EIF2S3: variants seen among roughly 807,000 people sequenced by gnomAD.
EIF2S3 encodes the protein eukaryotic translation initiation factor 2 subunit gamma.
In EIF2S3, 2 loss-of-function variants were observed where a neutral mutation model predicts 31.7. The ratio of observed to expected loss-of-function variants is 0.06; its 90% CI spans 0.03 to 0.20. The LOEUF (loss-of-function observed/expected upper bound fraction) is 0.20, where lower values mean the gene tolerates loss of function less well. Among genes scored for constraint, EIF2S3 ranks in the 10% least tolerant of loss-of-function variants. The pLI is 1.00. For missense variants in EIF2S3, 96 were observed against 359.3 expected (o/e 0.27, Z 5.92); for synonymous variants, 120 against 126.7 (o/e 0.95, Z 0.36).
chrX:24,069,588 G>C (rs926042106), intron 9 of EIF2S3, among the ~76,000 whole-genome samples: 1 of 106,839 alleles, frequency 9.4e-6, no homozygotes, highest in Non-Finnish European at 1.9e-5. Context: ...TGTGCCTGTA[G>C]TTCCATCTAT....
At position 24,066,059 on chromosome X, in the gene EIF2S3, A is replaced by T. The variant is rs1193550276; in HGVS notation, c.834A>T (p.Val278=). 29 of 1,198,140 alleles carry T rather than the reference A, an allele frequency of 2.4e-5. No individual in the cohort carries two copies. Among genetic ancestry groups the T allele is most frequent in the Non-Finnish European group, 3.1e-5 (28 of 889,218 alleles). Residue 278 remains valine (V), a synonymous_variant, in exon 8 of 12, where the codon GTA becomes GTT. Transcript: ENST00000253039. ...AAGTTGATGACCTTAAGGGAGGTGT[A>T]GCTGGTGGTAGTATCCTAAAAGGAG... ...GCEVDDLKGG[V]AGGSILKGVL... is the part of the protein sequence containing the mutation.
At chrX:24,057,055 G>A (rs193123427) in intron 2 of EIF2S3, among the ~76,000 whole-genome samples, 75 of 105,128 alleles carry the variant, frequency 7.1e-4, no homozygotes, top group African/African-American at 2.3e-3. Flanking sequence ...TATTTGCGAC[G>A]GAGTCTCGCT....
intron 9 of EIF2S3, among the ~76,000 whole-genome samples, chrX:24,069,706 T>TG (rs1930635284): frequency 1.0e-5 from 1 of 99,531 alleles, no homozygotes; most frequent in Non-Finnish European, 2.0e-5. Context: ...TTTTTTTTTT[T>TG]TTGAGGCAGA....
chrX:24,058,663 C>G (rs113168670), intron 4 of EIF2S3, among the ~76,000 whole-genome samples: 121 of 108,184 alleles, frequency 1.1e-3, no homozygotes, highest in African/African-American at 3.2e-3. Context: ...TCCCGAGTAG[C>G]TGGGATTACA....
Position 24,078,207 on chromosome X carries a change from G to A in EIF2S3, c.*1422G>A, listed in dbSNP as rs368898207. Among the ~76,000 whole-genome samples, 37 of 110,658 alleles carry A rather than the reference G, an allele frequency of 3.3e-4. No individual in the cohort carries two copies. The East Asian group carries it at 5.1e-3, about 15-fold the overall frequency. Reference sequence around the variant, plus strand: ...TACCCGGCTAATTTTTGTATTTTTAGTAGAGATGGGGTTTCACCATGTTGC... The same window carrying A: ...TACCCGGCTAATTTTTGTATTTTTAATAGAGATGGGGTTTCACCATGTTGC... On this transcript the variant is annotated 3_prime_UTR_variant, in exon 12 of 12. Transcript: ENST00000253039.
intron 6 of EIF2S3, among the ~76,000 whole-genome samples, chrX:24,062,958 T>G (rs527631080): frequency 1.8e-5 from 2 of 110,766 alleles, no homozygotes; most frequent in East Asian, 2.8e-4. Context: ...ATCTCTAGAG[T>G]GTCGGCCGGG....
chrX:24,067,828 T>C (rs1930602083), intron 8 of EIF2S3, 136 bp from the exon 9 acceptor site: 1 of 647,358 alleles, frequency 1.5e-6, no homozygotes, highest in East Asian at 3.6e-5. Flanking sequence ...CCTCAGGTGA[T>C]CCACCCGCCT....
intron 8 of EIF2S3, among the ~76,000 whole-genome samples, chrX:24,066,523 C>CTTTTTTTTTTT (rs113989989): frequency 1.1e-5 from 1 of 94,336 alleles, no homozygotes. Context: ...CTTTTCTTTT[C>CTTTTTTTTTTT]TTTTTTTTTT....
intron 11 of EIF2S3, among the ~76,000 whole-genome samples, chrX:24,074,310 A>G (rs977561375): frequency 8.9e-6 from 1 of 112,167 alleles, no homozygotes; most frequent in African/African-American, 3.2e-5. Context: ...ATTCAGTTAT[A>G]TATTCTTAAC....
chrX:24,076,677 G>A, intron 11 of EIF2S3, 45 bp from the exon 12 acceptor site: 1 of 1,139,924 alleles, frequency 8.8e-7, no homozygotes, highest in South Asian at 1.9e-5. Flanking sequence ...TAATGAGAGT[G>A]AAGTGGATGT....
intron 6 of EIF2S3, among the ~76,000 whole-genome samples, chrX:24,063,168 G>T (rs1026142113): frequency 3.5e-4 from 39 of 112,060 alleles, no homozygotes; most frequent in East Asian, 5.6e-4. Context: ...GCTTGAACTT[G>T]GGGGGCGGAG....
chrX:24,067,854 C>A, intron 8 of EIF2S3, 110 bp from the exon 9 acceptor site: 1 of 904,587 alleles, frequency 1.1e-6, no homozygotes, highest in Non-Finnish European at 1.5e-6. Flanking sequence ...TCCCAAAATG[C>A]TAGGATTACA....
chrX:24,070,461 T>TTTTG (rs1930652099), intron 9 of EIF2S3, among the ~76,000 whole-genome samples: 1 of 93,158 alleles, frequency 1.1e-5, no homozygotes, highest in Non-Finnish European at 2.2e-5. Context: ...TTTTTTTTTT[T>TTTTG]TGAGAGTCTC....
chrX:24,072,079 A>G (rs1191152519), intron 10 of EIF2S3, among the ~76,000 whole-genome samples: 1 of 109,505 alleles, frequency 9.1e-6, no homozygotes, highest in Non-Finnish European at 1.9e-5. Context: ...GTTTCACTAT[A>G]TGTTAGCCAG....
intron 5 of EIF2S3, 95 bp from the exon 6 acceptor site, chrX:24,062,321 C>T: frequency 1.0e-6 from 1 of 978,877 alleles, no homozygotes; most frequent in South Asian, 2.5e-5. Flanking sequence ...CCCCTTGCAA[C>T]CCATAATTTG....
Position 24,076,880 on chromosome X carries a change from T to C in EIF2S3, c.*95T>C. On this transcript the variant is annotated 3_prime_UTR_variant, in exon 12 of 12. Transcript: ENST00000253039. ...TATTTTCAAAGCAATATTGGGGAAT[T>C]GATTTCACAGTTCGTTACCTTAGTA... 1 of 773,205 alleles carries C rather than the reference T, an allele frequency of 1.3e-6. No homozygotes were observed. The highest frequency in any genetic ancestry group is 2.9e-5 in the South Asian group (1 of 34,035). 63.7% of individuals were successfully genotyped at this position (773,205 alleles called of 1,213,427 possible).
At chrX:24,066,141 T>G (rs746918940) in intron 8 of EIF2S3, 49 bp downstream of exon 8, 41 of 832,794 alleles carry the variant, frequency 4.9e-5, no homozygotes, top group Non-Finnish European at 4.9e-5. Context: ...TTTTTTGTTG[T>G]TTGTTTGTTT....
intron 8 of EIF2S3, among the ~76,000 whole-genome samples, chrX:24,066,490 C>CAT (rs59063279): frequency 0.018 from 1,868 of 106,643 alleles, 48 homozygotes; most frequent in African/African-American, 0.061. Flanking sequence ...TACTTCATTG[C>CAT]ATATATATAT....
At chrX:24,074,862 C>CTTCTTTTTTTTTT (rs1555984976) in intron 11 of EIF2S3, among the ~76,000 whole-genome samples, 5 of 47,466 alleles carry the variant, frequency 1.1e-4, no homozygotes, top group African/African-American at 4.8e-4. Flanking sequence ...TTTTCTTCTT[C>CTTCTTTTTTTTTT]TTTTTTTTTT....
Sources: gnomAD v4.1 joint callset for allele counts (sites outside exome capture counted in the v4.1 genomes callset) on GRCh38, gnomAD v4.1.1 for gene constraint, MANE v1.5 for transcripts, NCBI Gene and HGNC (gene_info 2026-07-23, HGNC 2026-07-21) for gene names.